The following DLG2 variants were observed in gnomAD, a reference collection of about 807,000 sequenced individuals.
The protein encoded by DLG2 is discs large MAGUK scaffold protein 2, also known as disks large homolog 2.
In DLG2, 45 loss-of-function variants were observed where a neutral mutation model predicts 132.5. That is an observed-to-expected ratio of 0.34 (90% CI 0.27 to 0.44). The LOEUF (loss-of-function observed/expected upper bound fraction) is 0.44. DLG2 is among the 20% of genes least tolerant of loss of function. The probability of loss-of-function intolerance (pLI) is 1.00; values close to 1 mark genes in which losing one functional copy is unlikely to be tolerated. For missense variants in DLG2, 1,045 were observed against 1,196.9 expected, an observed-to-expected ratio of 0.87 and a Z score of 1.87; for synonymous variants, 424 against 419.6, an observed-to-expected ratio of 1.01 and a Z score of -0.13.
At chr11:84,009,227 G>A (rs376029192) in intron 11 of DLG2, among the ~76,000 whole-genome samples, 38 of 151,826 alleles carry the variant, frequency 2.5e-4, no homozygotes, top group East Asian at 1.6e-3. Flanking sequence ...TAGAAGTTTC[G>A]AAATGTTAAG....
Position 83,760,711 on chromosome 11 carries a change from AC to A in DLG2, c.1825+25978del, listed in dbSNP as rs772258923. 2.6e-5 allele frequency among the ~76,000 whole-genome samples: 4 copies of A among 152,206 alleles called. No homozygotes were observed. The East Asian group carries it at 7.8e-4, about 29-fold the overall frequency. ...CAGAAAAACAACAACAAAAACAACAACAACAAAAAACTGTCTCCAAATAGAT... is the reference window on the plus strand; with the variant it reads ...CAGAAAAACAACAACAAAAACAACAAAACAAAAAACTGTCTCCAAATAGAT... On this transcript the variant is annotated intron_variant, in intron 18 of 27. Transcript: ENST00000376104.
At chr11:84,054,230 C>A (rs1471895100) in intron 11 of DLG2, among the ~76,000 whole-genome samples, 1 of 152,074 alleles carries the variant, frequency 6.6e-6, no homozygotes, top group East Asian at 1.9e-4. Context: ...GCCATAGAAA[C>A]AAACAGTTCT....
intron 6 of DLG2, among the ~76,000 whole-genome samples, chr11:84,949,887 G>C (rs1473021461): frequency 2.0e-5 from 3 of 152,210 alleles, no homozygotes; most frequent in African/African-American, 7.2e-5. Context: ...GAAATCACAA[G>C]GGTATTGACT....
intron 7 of DLG2, among the ~76,000 whole-genome samples, chr11:84,411,035 T>C (rs1216661279): frequency 6.6e-6 from 1 of 152,190 alleles, no homozygotes; most frequent in Non-Finnish European, 1.5e-5. Context: ...AAAAACCACA[T>C]ACCCTGCTCC....
At chr11:85,490,933 ACCAT>A (rs2093545720) in intron 3 of DLG2, among the ~76,000 whole-genome samples, 2 of 152,164 alleles carry the variant, frequency 1.3e-5, no homozygotes. Context: ...TGAGGCCGGT[ACCAT>A]CCTGATACCA....
chr11:85,625,382 G>A (rs1196953477), intron 2 of DLG2: 1 of 152,196 alleles, frequency 6.6e-6, no homozygotes, highest in Non-Finnish European at 1.5e-5. Context: ...CTGGACAAGT[G>A]TGGCTCCAAA....
chr11:85,494,980 C>A (rs181599754), intron 3 of DLG2, among the ~76,000 whole-genome samples: 1 of 151,852 alleles, frequency 6.6e-6, no homozygotes, highest in South Asian at 2.1e-4. Context: ...GATTTTATAA[C>A]AAAGTCCCAC....
intron 17 of DLG2, among the ~76,000 whole-genome samples, chr11:83,833,086 C>T (rs564263471): frequency 2.0e-5 from 3 of 152,270 alleles, no homozygotes; most frequent in South Asian, 2.1e-4. Context: ...TTAGCACCTT[C>T]GCCTTTATTT....
At chr11:83,573,463 G>A (rs1409568995) in intron 19 of DLG2, among the ~76,000 whole-genome samples, 1 of 152,072 alleles carries the variant, frequency 6.6e-6, no homozygotes, top group Non-Finnish European at 1.5e-5. Flanking sequence ...TCATATCAAA[G>A]TCTATTTACT....
intron 4 of DLG2, among the ~76,000 whole-genome samples, chr11:85,202,066 T>C (rs1037082171): frequency 1.3e-5 from 2 of 151,476 alleles, no homozygotes; most frequent in African/African-American, 4.9e-5. Flanking sequence ...ATGGACTCTA[T>C]GGAACAATGT....
Position 83,817,671 on chromosome 11 carries a change from T to G in DLG2, c.1722+15943A>C, listed in dbSNP as rs542284300. Among the ~76,000 whole-genome samples, 9 of 152,240 alleles carry G rather than the reference T, an allele frequency of 5.9e-5. No homozygotes were observed. The East Asian group carries it at 1.7e-3, about 29-fold the overall frequency. The stretch of plus-strand genomic sequence containing the variant: ...GGGAGGACTGCTTGAGGCCAAGAGT[T>G]GAAAAACAGCCTGGGCAACATGGTG... On this transcript the variant is annotated intron_variant, in intron 17 of 27. Transcript: ENST00000376104.
intron 21 of DLG2, among the ~76,000 whole-genome samples, chr11:83,501,370 C>T (rs2094446617): frequency 6.6e-6 from 1 of 152,106 alleles, no homozygotes; most frequent in Non-Finnish European, 1.5e-5. Context: ...GTCCGACTAA[C>T]TGATCAGTGT....
At chr11:83,573,936 G>C (rs1023958895) in intron 19 of DLG2, among the ~76,000 whole-genome samples, 1 of 152,130 alleles carries the variant, frequency 6.6e-6, no homozygotes, top group African/African-American at 2.4e-5. Flanking sequence ...GCTTTCTTCT[G>C]TATTGAGTTG....
intron 6 of DLG2, among the ~76,000 whole-genome samples, chr11:84,811,025 ATT>A (rs1230217118): frequency 4.6e-5 from 7 of 152,114 alleles, no homozygotes; most frequent in African/African-American, 1.4e-4. Context: ...AAATATTTTG[ATT>A]GTAATATTGT....
chr11:84,980,190 T>A (rs912779867), intron 6 of DLG2, among the ~76,000 whole-genome samples: 11 of 152,146 alleles, frequency 7.2e-5, no homozygotes, highest in Non-Finnish European at 1.6e-4. Flanking sequence ...TCCTAAAAAT[T>A]AAGAAAGTTA....
At chr11:84,510,891 A>G (rs1197394625) in intron 7 of DLG2, among the ~76,000 whole-genome samples, 7 of 151,906 alleles carry the variant, frequency 4.6e-5, no homozygotes, top group African/African-American at 1.5e-4. Context: ...ATGAAGGGAG[A>G]AGGGAGAAGG....
At position 84,108,271 on chromosome 11, in the gene DLG2, T is replaced by C. The variant is rs187922361; in HGVS notation, c.625-9224A>G. 5.7e-4 allele frequency among the ~76,000 whole-genome samples: 87 copies of C among 152,176 alleles called. 1 individual carries two copies. Among genetic ancestry groups the C allele is most frequent in the Non-Finnish European group, 9.1e-4 (62 of 67,996 alleles). The stretch of plus-strand genomic sequence containing the variant: ...ATAAAGCAGCACTCAGTGTTAGTCA[T>C]GTGAGTATAGTAAAGGTCAAGTTAT... On this transcript the variant is annotated intron_variant, in intron 9 of 27. Transcript: ENST00000376104.
chr11:84,954,767 G>T (rs2051419821), intron 6 of DLG2, among the ~76,000 whole-genome samples: 1 of 152,096 alleles, frequency 6.6e-6, no homozygotes, highest in Admixed American at 6.5e-5. Flanking sequence ...GATTTTTCTT[G>T]TCTGTTTTAT....
Position 84,736,660 on chromosome 11 carries a change from G to T in DLG2, c.358-201929C>A, listed in dbSNP as rs189646902. 2.7e-3 allele frequency among the ~76,000 whole-genome samples: 405 copies of T among 151,700 alleles called. 4 individuals carry two copies. The highest frequency in any genetic ancestry group is 9.2e-3 in the African/African-American group (382 of 41,406). Reference sequence around the variant, plus strand: ...TTTCATATTTTATGGTATTCTAAATGGAATTCCTTTATTGATTTTAATTTC... The same window carrying T: ...TTTCATATTTTATGGTATTCTAAATTGAATTCCTTTATTGATTTTAATTTC... On this transcript the variant is annotated intron_variant, in intron 6 of 27. Coordinates refer to ENST00000376104, the MANE Select transcript of DLG2 (RefSeq NM_001142699.3).
Sources: allele counts gnomAD v4.1 joint callset (sites outside exome capture counted in the v4.1 genomes callset), GRCh38; gene constraint gnomAD v4.1.1; transcripts MANE v1.5; gene names NCBI Gene and HGNC (gene_info 2026-07-23, HGNC 2026-07-21).